Variants in KCNQ1 observed in about 807,000 individuals in gnomAD.
The protein encoded by KCNQ1 is potassium voltage-gated channel subfamily Q member 1, also known as potassium voltage-gated channel subfamily KQT member 1.
KCNQ1 carries 49 observed loss-of-function variants against 72.4 expected under a neutral mutation model. The observed-to-expected ratio is 0.68, with a 90% CI of 0.54 to 0.86. KCNQ1 has a LOEUF of 0.86. KCNQ1 is among the 40% of genes least tolerant of loss of function. The pLI, the probability that KCNQ1 is intolerant of heterozygous loss-of-function variation, is 0.00. For missense variants in KCNQ1, 790 were observed against 945.1 expected (o/e 0.84, Z 2.15); for synonymous variants, 450 against 412.6 (o/e 1.09, Z -1.10).
In KCNQ1 at chr11:2,818,036, C is replaced by T. The variant is rs1847654836; in HGVS notation, c.1795-29731C>T. On this transcript the variant is annotated intron_variant, in intron 15 of 15. Coordinates refer to ENST00000155840, the MANE Select transcript of KCNQ1 (RefSeq NM_000218.3). This position sits in a 1 kb window ranked among gnomAD's most constrained non-coding sequence, Gnocchi z 7.2. ...ATCATTAAAGAATATGCATTAACACCTAAAACCCACTATCCTGGCAAAAAA... is the reference window on the plus strand; with the variant it reads ...ATCATTAAAGAATATGCATTAACACTTAAAACCCACTATCCTGGCAAAAAA... Among the ~76,000 whole-genome samples the T allele has an allele frequency of 6.6e-6, 1 of 152,176 alleles. No homozygotes were observed. The highest frequency in any genetic ancestry group is 1.5e-5 in the Non-Finnish European group (1 of 68,024).
rs1324805276 is a variant in KCNQ1, at chr11:2,645,487, C to A, written c.1394-16474C>A. 2 of 398,554 alleles carry A rather than the reference C, an allele frequency of 5.0e-6. No individual in the cohort carries two copies. Among genetic ancestry groups the A allele is most frequent in the South Asian group, 1.3e-4 (1 of 7,832 alleles). The allele number at this position is 398,554 out of a possible 1,614,324, so 24.7% of individuals were successfully genotyped here. A position where few individuals can be genotyped will look rare whatever the true frequency, so the allele number is the denominator to read the frequency against. On this transcript the variant is annotated intron_variant, in intron 10 of 15. Transcript: ENST00000155840. The surrounding 1 kb of genome is among the most constrained non-coding windows in gnomAD (Gnocchi z 5.8). ...ATCCCTGTATACCCTGCTGAATGCTCATGTTGGGGCAGCAGCAACTCTATT... is the reference window on the plus strand; with the variant it reads ...ATCCCTGTATACCCTGCTGAATGCTAATGTTGGGGCAGCAGCAACTCTATT...
chr11:2,822,267 A>G (rs530921954), intron 15 of KCNQ1, among the ~76,000 whole-genome samples: 66 of 152,308 alleles, frequency 4.3e-4, no homozygotes, highest in African/African-American at 1.5e-3. Context: ...GCAAGATGTC[A>G]CACACGTGTT....
chr11:2,622,434 G>A (rs1290700161), intron 10 of KCNQ1: 2 of 398,072 alleles, frequency 5.0e-6, no homozygotes, highest in African/African-American at 2.1e-5. Context: ...ATCTACTTGT[G>A]TCTTTAGACC....
chr11:2,648,631 G>T (rs565962269), intron 10 of KCNQ1: 1 of 398,504 alleles, frequency 2.5e-6, no homozygotes, highest in Non-Finnish European at 4.4e-6. Flanking sequence ...TGTGGTCTGA[G>T]AAGATACTTG....
At chr11:2,731,953 G>A (rs1302586526) in intron 11 of KCNQ1, among the ~76,000 whole-genome samples, 2 of 152,248 alleles carry the variant, frequency 1.3e-5, no homozygotes, top group Non-Finnish European at 2.9e-5. Flanking sequence ...GGAGAGGAGA[G>A]GGAGGCCGCC....
At chr11:2,776,635 G>T (rs997486999) in intron 13 of KCNQ1, among the ~76,000 whole-genome samples, 2 of 152,310 alleles carry the variant, frequency 1.3e-5, no homozygotes. Flanking sequence ...AACTAGCTCC[G>T]TGTGTTACAG....
chr11:2,842,257 T>A (rs1848229693), intron 15 of KCNQ1, among the ~76,000 whole-genome samples: 1 of 152,190 alleles, frequency 6.6e-6, no homozygotes, highest in Non-Finnish European at 1.5e-5. Flanking sequence ...ACACACAGCC[T>A]GGACACTGCC....
At chr11:2,718,865 C>T (rs1171669293) in intron 11 of KCNQ1, among the ~76,000 whole-genome samples, 2 of 152,362 alleles carry the variant, frequency 1.3e-5, no homozygotes, top group South Asian at 2.1e-4. Context: ...CATTACTGGG[C>T]CTGTAAGGGC....
In KCNQ1 at chr11:2,712,928, A is replaced by G. The variant is rs1446510725; in HGVS notation, c.1514+50847A>G. Reference sequence around the variant, plus strand: ...CCAAGGCAGTTGTCAGAGCAAGATCAGCTCCCTGGAAGACACCCGGGTTGT... The same window carrying G: ...CCAAGGCAGTTGTCAGAGCAAGATCGGCTCCCTGGAAGACACCCGGGTTGT... On this transcript the variant is annotated intron_variant, in intron 11 of 15. Coordinates refer to ENST00000155840, the MANE Select transcript of KCNQ1 (RefSeq NM_000218.3). The surrounding 1 kb of genome is among the most constrained non-coding windows in gnomAD (Gnocchi z 6.4). Among the ~76,000 whole-genome samples the G allele has an allele frequency of 6.6e-6, 1 of 152,162 alleles. No individual in the cohort carries two copies. The highest frequency in any genetic ancestry group is 2.4e-5 in the African/African-American group (1 of 41,424).
In KCNQ1 at chr11:2,538,244, GCTT is replaced by G. The variant is rs1277690389; in HGVS notation, c.477+10230_477+10232del. On this transcript the variant is annotated intron_variant, in intron 2 of 15. Coordinates refer to ENST00000155840, the MANE Select transcript of KCNQ1 (RefSeq NM_000218.3). The surrounding 1 kb of genome is among the most constrained non-coding windows in gnomAD (Gnocchi z 6.7). ...TGCACATGGCTGTCACGCGGTTTCA[GCTT>G]CTTTGACCTGGAGCAGCCCTGCCCG... Among the ~76,000 whole-genome samples the G allele has an allele frequency of 1.3e-5, 2 of 152,208 alleles. No individual in the cohort carries two copies. Among genetic ancestry groups the G allele is most frequent in the African/African-American group, 4.8e-5 (2 of 41,440 alleles).
chr11:2,681,446 C>T (rs1590028563), intron 11 of KCNQ1: 4 of 398,388 alleles, frequency 1.0e-5, no homozygotes, highest in East Asian at 3.6e-5. Flanking sequence ...GATTTTGGGA[C>T]CAGATAACCT....
At chr11:2,470,615 A>C (rs2133595887) in intron 1 of KCNQ1, among the ~76,000 whole-genome samples, 1 of 151,168 alleles carries the variant, frequency 6.6e-6, no homozygotes, top group East Asian at 2.0e-4. Flanking sequence ...GATGATACGT[A>C]TCCAACCGCA....
At chr11:2,649,436 G>C (rs1849724236) in intron 10 of KCNQ1, 2 of 398,452 alleles carry the variant, frequency 5.0e-6, no homozygotes. Context: ...TCCAGATGTA[G>C]TACTCCCTTA....
intron 10 of KCNQ1, chr11:2,649,972 C>T (rs1219217290): frequency 1.5e-5 from 6 of 398,304 alleles, no homozygotes; most frequent in Non-Finnish European, 2.2e-5. Flanking sequence ...CGCAGGCATT[C>T]TTCATTCTTT....
rs577146436 is a variant in KCNQ1, at chr11:2,503,163, G to A, written c.387-24765G>A. Among the ~76,000 whole-genome samples the A allele has an allele frequency of 1.9e-4, 29 of 152,232 alleles. No individual in the cohort carries two copies. In the East Asian group the frequency reaches 3.5e-3, roughly 18 times the overall value. On this transcript the variant is annotated intron_variant, in intron 1 of 15. Transcript: ENST00000155840. ...GTAATCCCTACAAGCACAGGCAACC[G>A]AAGCAAAAATGGACAAATGGGATCA...
chr11:2,569,950 G>GGTGT (rs1402018579), intron 2 of KCNQ1, among the ~76,000 whole-genome samples: 2 of 152,192 alleles, frequency 1.3e-5, no homozygotes, highest in Non-Finnish European at 2.9e-5. Context: ...GAGGTGTTGG[G>GGTGT]GTGTGGAGGG....
chr11:2,717,666 C>T (rs1851116085), intron 11 of KCNQ1, among the ~76,000 whole-genome samples: 1 of 152,220 alleles, frequency 6.6e-6, no homozygotes, highest in South Asian at 2.1e-4. Context: ...TATGAACTGG[C>T]TTCTTAATTT....
In KCNQ1 at chr11:2,580,258, C is replaced by T. The variant is rs551945833; in HGVS notation, c.922-3177C>T. Among the ~76,000 whole-genome samples the T allele has an allele frequency of 2.0e-5, 3 of 151,902 alleles. No homozygotes were observed. The South Asian group carries it at 6.3e-4, about 32-fold the overall frequency. Reference sequence around the variant, plus strand: ...ATCTTGGGTTTGTCCTCGGCTGCCTCGGGAGGCAGCCGTGCCCAGGCCTCT... The same window carrying T: ...ATCTTGGGTTTGTCCTCGGCTGCCTTGGGAGGCAGCCGTGCCCAGGCCTCT... On this transcript the variant is annotated intron_variant, in intron 6 of 15. Coordinates refer to ENST00000155840, the MANE Select transcript of KCNQ1 (RefSeq NM_000218.3).
chr11:2,598,619 A>T lies in KCNQ1; in HGVS notation c.1393+9765A>T, dbSNP rs1008871245. 2.0e-5 allele frequency among the ~76,000 whole-genome samples: 3 copies of T among 152,102 alleles called. No individual in the cohort carries two copies. Among genetic ancestry groups the T allele is most frequent in the African/African-American group, 7.2e-5 (3 of 41,398 alleles). ...TGCTCTGCCCTTAGTTAAAAAAAAA[A>T]AACCCTAATACATCTGCCAAATTCT... On this transcript the variant is annotated intron_variant, in intron 10 of 15. Coordinates refer to ENST00000155840, the MANE Select transcript of KCNQ1 (RefSeq NM_000218.3). The surrounding 1 kb of genome is among the most constrained non-coding windows in gnomAD (Gnocchi z 6.2).
Sources: gnomAD v4.1 joint callset for allele counts (sites outside exome capture counted in the v4.1 genomes callset) on GRCh38, gnomAD v4.1.1 for gene constraint, Gnocchi (gnomAD v3.1) non-coding constraint, MANE v1.5 for transcripts, NCBI Gene and HGNC (gene_info 2026-07-23, HGNC 2026-07-21) for gene names.